Variants in GALNT13 observed in about 807,000 individuals in gnomAD.
GALNT13 encodes the protein polypeptide N-acetylgalactosaminyltransferase 13, also known as UDP-GalNAc:polypeptide N-acetylgalactosaminyltransferase 13.
Under a neutral mutation model 64.2 loss-of-function variants are expected in GALNT13, and 28 were observed. That is an observed-to-expected ratio of 0.44 (90% CI 0.32 to 0.60). The LOEUF (loss-of-function observed/expected upper bound fraction) is 0.60, where lower values mean the gene tolerates loss of function less well. GALNT13 is among the 20% of genes least tolerant of loss of function. The probability of loss-of-function intolerance (pLI) is 0.05; values close to 1 mark genes in which losing one functional copy is unlikely to be tolerated. For missense variants in GALNT13, 577 were observed against 669.8 expected, an observed-to-expected ratio of 0.86 and a Z score of 1.53; for synonymous variants, 214 against 224.6, an observed-to-expected ratio of 0.95 and a Z score of 0.42.
intron 4 of GALNT13, among the ~76,000 whole-genome samples, chr2:154,183,165 T>C (rs1271804300): frequency 6.6e-6 from 1 of 152,192 alleles, no homozygotes; most frequent in Non-Finnish European, 1.5e-5. Flanking sequence ...TCCTAGACTT[T>C]TATTTGTTGG....
chr2:154,177,528 A>C (rs1685717697), intron 4 of GALNT13, among the ~76,000 whole-genome samples: 1 of 152,168 alleles, frequency 6.6e-6, no homozygotes, highest in Non-Finnish European at 1.5e-5. Flanking sequence ...AACCCAGAGA[A>C]AGTACACCAC....
At chr2:153,383,847 C>T in the GALNT13 span, among the ~76,000 whole-genome samples, 1 of 151,908 alleles carries the variant, frequency 6.6e-6, no homozygotes, top group Non-Finnish European at 1.5e-5. Context: ...TGACTACAAG[C>T]CTTCATAAGA....
intron 3 of GALNT13, among the ~76,000 whole-genome samples, chr2:154,113,542 C>A (rs779796110): frequency 3.3e-5 from 5 of 152,194 alleles, no homozygotes; most frequent in African/African-American, 7.2e-5. Flanking sequence ...AGGAATATCT[C>A]AACAGGCCCC....
intron 12 of GALNT13, among the ~76,000 whole-genome samples, chr2:154,444,918 A>G (rs1275599511): frequency 6.6e-6 from 1 of 152,036 alleles, no homozygotes; most frequent in Non-Finnish European, 1.5e-5. Context: ...GTGATAGAAA[A>G]AATGCCCACA....
At chr2:153,101,633 G>A in the GALNT13 span, among the ~76,000 whole-genome samples, 1 of 152,134 alleles carries the variant, frequency 6.6e-6, no homozygotes, top group African/African-American at 2.4e-5. Flanking sequence ...TTAACAATGG[G>A]TTTTGTGTCA....
the GALNT13 span, among the ~76,000 whole-genome samples, chr2:153,262,799 C>G: frequency 2.6e-5 from 4 of 151,774 alleles, no homozygotes; most frequent in African/African-American, 9.7e-5. Flanking sequence ...AAGAACATAC[C>G]TCAAAATAAT....
the GALNT13 span, among the ~76,000 whole-genome samples, chr2:153,802,683 T>A: frequency 6.6e-6 from 1 of 152,236 alleles, no homozygotes; most frequent in African/African-American, 2.4e-5. Flanking sequence ...AAGGTATTCA[T>A]CCTGCAGAGG....
intron 11 of GALNT13, among the ~76,000 whole-genome samples, chr2:154,420,815 C>T (rs1225732294): frequency 6.6e-6 from 1 of 151,964 alleles, no homozygotes; most frequent in East Asian, 1.9e-4. Context: ...TAAATAATGT[C>T]TGTGATTTCT....
At chr2:153,304,546 G>C in the GALNT13 span, among the ~76,000 whole-genome samples, 1 of 152,134 alleles carries the variant, frequency 6.6e-6, no homozygotes, top group Admixed American at 6.5e-5. Flanking sequence ...ATGGGGACTA[G>C]AACCACCAAT....
chr2:154,187,940 A>G (rs1559013435), intron 4 of GALNT13, among the ~76,000 whole-genome samples: 2 of 152,106 alleles, frequency 1.3e-5, no homozygotes, highest in African/African-American at 4.8e-5. Context: ...AGTATTGATG[A>G]GAAGAATTCC....
the GALNT13 span, among the ~76,000 whole-genome samples, chr2:153,145,384 G>T: frequency 6.6e-6 from 1 of 151,912 alleles, no homozygotes; most frequent in Non-Finnish European, 1.5e-5. Flanking sequence ...GTATAGCCAT[G>T]TACATTTTAA....
the GALNT13 span, among the ~76,000 whole-genome samples, chr2:153,154,597 T>C: frequency 6.6e-6 from 1 of 152,194 alleles, no homozygotes; most frequent in African/African-American, 2.4e-5. Context: ...ACATTGACTT[T>C]GTACCGTGAG....
chr2:154,252,789 A>T (rs1178726059), intron 7 of GALNT13, among the ~76,000 whole-genome samples: 1 of 151,978 alleles, frequency 6.6e-6, no homozygotes. Context: ...ATAATAGATA[A>T]GGAAAGGAGA....
At chr2:153,586,976 A>C in the GALNT13 span, among the ~76,000 whole-genome samples, 129 of 152,284 alleles carry the variant, frequency 8.5e-4, no homozygotes, top group African/African-American at 2.9e-3. Flanking sequence ...TCAAGCCTGT[A>C]ATATTAACAA....
At chr2:154,152,581 G>A (rs199965327) in intron 4 of GALNT13, among the ~76,000 whole-genome samples, 19,436 of 151,444 alleles carry the variant, frequency 0.13, 1,385 homozygotes, top group South Asian at 0.21. Flanking sequence ...TCAAACGTAG[G>A]TTTGGTCTTT....
At chr2:153,083,587 A>AT in the GALNT13 span, among the ~76,000 whole-genome samples, 6 of 148,454 alleles carry the variant, frequency 4.0e-5, no homozygotes, top group African/African-American at 7.4e-5. Flanking sequence ...TGATGGTATT[A>AT]TTTTTTTTTC....
At chr2:153,966,224 T>C (rs577389798) in intron 3 of GALNT13, among the ~76,000 whole-genome samples, 31 of 150,484 alleles carry the variant, frequency 2.1e-4, no homozygotes, top group African/African-American at 6.1e-4. Context: ...GATTTCTTTT[T>C]TTTTTTTTTT....
intron 4 of GALNT13, among the ~76,000 whole-genome samples, chr2:154,158,721 G>A (rs1293401763): frequency 6.6e-6 from 1 of 152,090 alleles, no homozygotes; most frequent in African/African-American, 2.4e-5. Flanking sequence ...TATCCACATG[G>A]TTTTGCTCCC....
the GALNT13 span, among the ~76,000 whole-genome samples, chr2:153,373,155 T>C: frequency 6.6e-6 from 1 of 152,144 alleles, no homozygotes; most frequent in Non-Finnish European, 1.5e-5. Context: ...TGTGTGTGTG[T>C]GTGTGCACGT....
Sources: allele counts gnomAD v4.1 joint callset (sites outside exome capture counted in the v4.1 genomes callset), GRCh38; gene constraint gnomAD v4.1.1; transcripts MANE v1.5; gene names NCBI Gene and HGNC (gene_info 2026-07-23, HGNC 2026-07-21).